The following AXDND1 variants were observed in gnomAD, a reference collection of about 807,000 sequenced individuals.
AXDND1 encodes axonemal dynein light chain domain-containing protein 1.
Under a neutral mutation model 137.5 loss-of-function variants are expected in AXDND1, and 110 were observed. The ratio of observed to expected loss-of-function variants is 0.80; its 90% CI spans 0.69 to 0.94. The LOEUF is 0.94. Among genes scored for constraint, AXDND1 ranks in the 40% least tolerant of loss-of-function variants. The pLI is 0.00. For missense variants in AXDND1, 1,191 were observed against 1,169.8 expected (o/e 1.02, Z -0.26); for synonymous variants, 414 against 399.7 (o/e 1.04, Z -0.43).
intron 11 of AXDND1, 21 bp downstream of exon 11, chr1:179,395,223 T>G (rs1267748711): frequency 6.3e-7 from 1 of 1,590,958 alleles, no homozygotes; most frequent in Non-Finnish European, 8.6e-7. Context: ...TAAAGTTTGT[T>G]TAGCTTACAT....
intron 22 of AXDND1, among the ~76,000 whole-genome samples, chr1:179,526,682 T>G (rs1188324843): frequency 6.6e-6 from 1 of 152,188 alleles, no homozygotes; most frequent in Non-Finnish European, 1.5e-5. Flanking sequence ...AGAACAAAAA[T>G]ATTATATAAC....
chr1:179,394,845 C>A lies in AXDND1; in HGVS notation c.1005-253C>A, dbSNP rs80092585. ...GGCCTTGCATGTCAGCATCTGCCTC[C>A]CTCCATTCTAAAGGATCTCCCCTAC... On this transcript the variant is annotated intron_variant, in intron 10 of 25. Transcript: ENST00000367618. Among the ~76,000 whole-genome samples the A allele has an allele frequency of 6.8e-3, 1,030 of 152,220 alleles. 14 individuals carry two copies. Among genetic ancestry groups the A allele is most frequent in the African/African-American group, 0.023 (946 of 41,536 alleles).
At chr1:179,541,293 G>A (rs1672110702) in intron 25 of AXDND1, among the ~76,000 whole-genome samples, 1 of 152,146 alleles carries the variant, frequency 6.6e-6, no homozygotes, top group African/African-American at 2.4e-5. Context: ...TCCTGGATGA[G>A]GCGACGCCCT....
At chr1:179,541,708 A>G (rs1672180846) in intron 25 of AXDND1, among the ~76,000 whole-genome samples, 1 of 144,738 alleles carries the variant, frequency 6.9e-6, no homozygotes, top group Non-Finnish European at 1.6e-5. Flanking sequence ...ATGATAATAT[A>G]TGCATGATAA....
intron 23 of AXDND1, among the ~76,000 whole-genome samples, chr1:179,531,445 C>G (rs1671030051): frequency 6.6e-6 from 1 of 152,150 alleles, no homozygotes; most frequent in South Asian, 2.1e-4. Context: ...AAACTTTGCC[C>G]ATGCCCAGGA....
At chr1:179,537,004 C>A (rs1020777219) in intron 25 of AXDND1, among the ~76,000 whole-genome samples, 1 of 152,124 alleles carries the variant, frequency 6.6e-6, no homozygotes, top group African/African-American at 2.4e-5. Flanking sequence ...CATGATTTGG[C>A]TGTTTGTCTG....
chr1:179,478,673 A>C (rs977654173), intron 17 of AXDND1, among the ~76,000 whole-genome samples: 5 of 152,260 alleles, frequency 3.3e-5, no homozygotes, highest in African/African-American at 1.2e-4. Flanking sequence ...CTTGGGCATT[A>C]ACATTTGGCT....
chr1:179,506,492 G>GA (rs2125631529), intron 20 of AXDND1, among the ~76,000 whole-genome samples: 1 of 152,146 alleles, frequency 6.6e-6, no homozygotes, highest in South Asian at 2.1e-4. Context: ...CAGACTTTGC[G>GA]AGGCTGAGGC....
intron 11 of AXDND1, 132 bp from the exon 12 acceptor site, chr1:179,411,014 A>G: frequency 3.1e-6 from 2 of 649,208 alleles, no homozygotes; most frequent in Non-Finnish European, 2.4e-6. Context: ...CAGCAATTAT[A>G]CCATAATTAC....
At chr1:179,423,283 A>G (rs894355987) in intron 12 of AXDND1, among the ~76,000 whole-genome samples, 15 of 151,558 alleles carry the variant, frequency 9.9e-5, no homozygotes, top group African/African-American at 3.6e-4. Context: ...TTCCAATTGC[A>G]TGGAATATAT....
intron 11 of AXDND1, among the ~76,000 whole-genome samples, chr1:179,408,854 AT>A (rs953803115): frequency 2.1e-4 from 31 of 148,862 alleles, no homozygotes; most frequent in African/African-American, 3.5e-4. Context: ...CCTGGGTAAA[AT>A]TTTTTTTTTC....
At chr1:179,411,291 C>G (rs1308175552) in intron 12 of AXDND1, 25 bp downstream of exon 12, 8 of 1,598,746 alleles carry the variant, frequency 5.0e-6, no homozygotes, top group Non-Finnish European at 6.8e-6. Flanking sequence ...ATTCACAACT[C>G]ACACTTCTTT....
Position 179,552,418 on chromosome 1 carries a change from G to A in AXDND1, c.3032-2094G>A, listed in dbSNP as rs140018411. On this transcript the variant is annotated intron_variant, in intron 25 of 25. Coordinates refer to ENST00000367618, the MANE Select transcript of AXDND1 (RefSeq NM_144696.6). ...TATTATCAGTAGCTTCAGAGAGGGA[G>A]AGGAGTTGCATTAGTCAGGGGACTA... is the stretch of plus-strand genomic sequence containing the variant. 540 of 638,338 alleles carry A rather than the reference G, an allele frequency of 8.5e-4. No homozygotes were observed. In the African/African-American group the frequency reaches 8.7e-3, roughly 10 times the overall value. The allele number at this position is 638,338 out of a possible 1,614,324, so 39.5% of individuals were successfully genotyped here. A position where few individuals can be genotyped will look rare whatever the true frequency, so the allele number is the denominator to read the frequency against.
At chr1:179,419,904 A>G (rs1404815278) in intron 12 of AXDND1, among the ~76,000 whole-genome samples, 4 of 152,068 alleles carry the variant, frequency 2.6e-5, no homozygotes, top group Non-Finnish European at 1.5e-5. Context: ...AATGAGGCTA[A>G]TTTGATTTCT....
intron 11 of AXDND1, 80 bp from the exon 12 acceptor site, chr1:179,411,066 C>G (rs1332069196): frequency 8.5e-7 from 1 of 1,175,004 alleles, no homozygotes; most frequent in Non-Finnish European, 1.2e-6. Flanking sequence ...TATTTTAAAA[C>G]AAATTTCTTT....
chr1:179,378,249 G>C (rs1029412326), intron 4 of AXDND1, among the ~76,000 whole-genome samples: 23 of 152,230 alleles, frequency 1.5e-4, no homozygotes, highest in African/African-American at 5.1e-4. Flanking sequence ...AGGGGAAAAA[G>C]TTTATTATAG....
rs757632110 is a variant in AXDND1, at chr1:179,444,943, A to T, written c.1564-27A>T. On this transcript the variant is annotated intron_variant, in intron 15 of 25. Transcript: ENST00000367618. ...TAAACTCATTAGTGGATAATATGCT[A>T]CTCTCCCTCTTCCTTTCACTCTTTA... The T allele has an allele frequency of 7.4e-6, 11 of 1,494,602 alleles. No homozygotes were observed. In the East Asian group the frequency reaches 2.0e-4, roughly 28 times the overall value. The allele number at this position is 1,494,602 out of a possible 1,614,324, so 92.6% of individuals were successfully genotyped here.
At chr1:179,471,702 A>G (rs187107116) in intron 17 of AXDND1, among the ~76,000 whole-genome samples, 230 of 151,924 alleles carry the variant, frequency 1.5e-3, no homozygotes, top group Admixed American at 3.4e-3. Flanking sequence ...TCTCTATTGT[A>G]TTAATTTCTG....
At chr1:179,504,034 T>C (rs1668291660) in intron 20 of AXDND1, among the ~76,000 whole-genome samples, 3 of 152,284 alleles carry the variant, frequency 2.0e-5, no homozygotes, top group Non-Finnish European at 4.4e-5. Context: ...AAATAGCAAA[T>C]TTAATGTGGT....
Sources: allele counts gnomAD v4.1 joint callset (sites outside exome capture counted in the v4.1 genomes callset), GRCh38; gene constraint gnomAD v4.1.1; transcripts MANE v1.5; gene names NCBI Gene and HGNC (gene_info 2026-07-23, HGNC 2026-07-21).